TRIM44: variants seen among roughly 807,000 people sequenced by gnomAD.
The protein encoded by TRIM44 is tripartite motif containing 44, also known as tripartite motif-containing protein 44.
TRIM44 carries 13 observed loss-of-function variants against 37.4 expected under a neutral mutation model. That is an observed-to-expected ratio of 0.35 (90% CI 0.23 to 0.55). TRIM44 has a LOEUF of 0.55. Ranked by LOEUF, TRIM44 falls within the 20% of genes least tolerant of loss-of-function variation. The probability of loss-of-function intolerance (pLI) is 0.89; values close to 1 mark genes in which losing one functional copy is unlikely to be tolerated. For missense variants in TRIM44, 426 were observed against 437.2 expected, an observed-to-expected ratio of 0.97 and a Z score of 0.23; for synonymous variants, 175 against 157.2, an observed-to-expected ratio of 1.11 and a Z score of -0.85.
At chr11:35,725,901 T>A in intron 2 of TRIM44, 23 bp from the exon 3 acceptor site, 10 of 1,610,680 alleles carry the variant, frequency 6.2e-6, no homozygotes, top group Non-Finnish European at 8.5e-6. Flanking sequence ...AACTTATTCT[T>A]CTTATTTGTC....
In TRIM44 at chr11:35,765,843, G is replaced by C. The variant is rs543237874; in HGVS notation, c.1007+30398G>C. Among the ~76,000 whole-genome samples the C allele has an allele frequency of 2.4e-4, 37 of 152,172 alleles. 1 individual carries two copies. The South Asian group carries it at 7.3e-3, about 30-fold the overall frequency. On this transcript the variant is annotated intron_variant, in intron 4 of 4. Transcript: ENST00000299413. ...TTTTTAACCATCCCCTATTCTTTCA[G>C]TTCTTCTTTGGTATAACTATGTCTC...
chr11:35,742,508 TATA>T (rs1354843855), intron 4 of TRIM44, among the ~76,000 whole-genome samples: 23 of 130,398 alleles, frequency 1.8e-4, no homozygotes, highest in Non-Finnish European at 3.0e-4. Context: ...TTATATTAAA[TATA>T]ATTATATTAA....
intron 2 of TRIM44, among the ~76,000 whole-genome samples, chr11:35,706,875 C>G (rs552563419): frequency 1.3e-5 from 2 of 150,730 alleles, no homozygotes; most frequent in African/African-American, 4.9e-5. Flanking sequence ...CCCTCTCTCA[C>G]CACTCCTATT....
intron 3 of TRIM44, among the ~76,000 whole-genome samples, chr11:35,731,366 G>A (rs1381352907): frequency 6.6e-6 from 1 of 151,954 alleles, no homozygotes; most frequent in Non-Finnish European, 1.5e-5. Context: ...TTATTCTGTT[G>A]TAATGGTTAA....
intron 4 of TRIM44, among the ~76,000 whole-genome samples, chr11:35,776,414 G>A (rs941701392): frequency 8.6e-5 from 13 of 152,040 alleles, no homozygotes; most frequent in African/African-American, 2.9e-4. Flanking sequence ...ACCAGCTCCT[G>A]GATTCATTGA....
chr11:35,709,694 C>T (rs1208435427), intron 2 of TRIM44, among the ~76,000 whole-genome samples: 1 of 152,136 alleles, frequency 6.6e-6, no homozygotes, highest in Non-Finnish European at 1.5e-5. Context: ...AGACAACTTA[C>T]ACTCCCCAGC....
chr11:35,683,471 A>G (rs1471624424), intron 1 of TRIM44, among the ~76,000 whole-genome samples: 1 of 152,190 alleles, frequency 6.6e-6, no homozygotes, highest in Non-Finnish European at 1.5e-5. Context: ...GAATCTTATT[A>G]GGTATTTCCT....
At chr11:35,701,975 G>A (rs929150630) in intron 2 of TRIM44, among the ~76,000 whole-genome samples, 3 of 152,104 alleles carry the variant, frequency 2.0e-5, no homozygotes, top group African/African-American at 7.2e-5. Flanking sequence ...TATAACCCTG[G>A]GGGCCAAGCT....
intron 2 of TRIM44, among the ~76,000 whole-genome samples, chr11:35,703,814 A>G (rs1851833119): frequency 6.6e-6 from 1 of 152,228 alleles, no homozygotes; most frequent in Non-Finnish European, 1.5e-5. Flanking sequence ...GATGGGAAAA[A>G]AACAGCAGAA....
At chr11:35,775,784 G>A (rs140749694) in intron 4 of TRIM44, among the ~76,000 whole-genome samples, 43 of 152,212 alleles carry the variant, frequency 2.8e-4, no homozygotes, top group African/African-American at 9.6e-4. Context: ...ATTGATTTGC[G>A]TATGTTGAAC....
At position 35,668,271 on chromosome 11, in the gene TRIM44, CAT is replaced by C. The variant is rs555752891; in HGVS notation, c.669+4492_669+4493del. On this transcript the variant is annotated intron_variant, in intron 1 of 4. Coordinates refer to ENST00000299413, the MANE Select transcript of TRIM44 (RefSeq NM_017583.6). ...TGTGCAGGTTTGTTACATAGGTAAA[CAT>C]GTGCCATGCTGGTTTGCTGCACAGA... is the stretch of plus-strand genomic sequence containing the variant. Among the ~76,000 whole-genome samples the C allele has an allele frequency of 1.8e-3, 281 of 152,254 alleles. 2 individuals are homozygous for C. The highest frequency in any genetic ancestry group is 6.5e-3 in the African/African-American group (270 of 41,556).
At chr11:35,713,502 C>CTTTTTTT (rs34352321) in intron 2 of TRIM44, among the ~76,000 whole-genome samples, 1 of 140,152 alleles carries the variant, frequency 7.1e-6, no homozygotes, top group Non-Finnish European at 1.6e-5. Flanking sequence ...ATATGACATG[C>CTTTTTTT]TTTTTTTTTT....
chr11:35,808,435 A>G lies in TRIM44; in HGVS notation c.*2050A>G, dbSNP rs1245729755. 6.6e-6 allele frequency: 1 copy of G among 152,146 alleles called. No individual in the cohort carries two copies. The highest frequency in any genetic ancestry group is 1.5e-5 in the Non-Finnish European group (1 of 68,006). The allele number at this position is 152,146 out of a possible 1,614,324, so 9.4% of individuals were successfully genotyped here. A position where few individuals can be genotyped will look rare whatever the true frequency, so the allele number is the denominator to read the frequency against. On this transcript the variant is annotated 3_prime_UTR_variant, in exon 5 of 5. Transcript: ENST00000299413. ...AAGATTTTAGGATTTGGAAGCTTGT[A>G]TTGTCTTTCCCCAATAATCATTGTT...
At chr11:35,671,257 T>A (rs1851390483) in intron 1 of TRIM44, among the ~76,000 whole-genome samples, 1 of 152,188 alleles carries the variant, frequency 6.6e-6, no homozygotes, top group Non-Finnish European at 1.5e-5. Context: ...TAATACAGGA[T>A]TAGAGAGGGA....
intron 1 of TRIM44, among the ~76,000 whole-genome samples, chr11:35,665,782 T>C (rs962878885): frequency 3.3e-5 from 5 of 151,450 alleles, no homozygotes; most frequent in Non-Finnish European, 7.4e-5. Flanking sequence ...TTTTTTTTAG[T>C]AGAGATGTTT....
At chr11:35,702,512 T>C (rs934669360) in intron 2 of TRIM44, among the ~76,000 whole-genome samples, 1 of 152,190 alleles carries the variant, frequency 6.6e-6, no homozygotes, top group Non-Finnish European at 1.5e-5. Context: ...CGCATCTTTA[T>C]TGAGCGCCAG....
intron 1 of TRIM44, among the ~76,000 whole-genome samples, chr11:35,674,905 G>C (rs989481527): frequency 1.3e-5 from 2 of 152,224 alleles, no homozygotes; most frequent in Non-Finnish European, 2.9e-5. Flanking sequence ...ATGGAGCCAG[G>C]AATAGATTCT....
At chr11:35,799,181 T>A (rs1372947693) in intron 4 of TRIM44, among the ~76,000 whole-genome samples, 1 of 152,250 alleles carries the variant, frequency 6.6e-6, no homozygotes, top group African/African-American at 2.4e-5. Flanking sequence ...GCAGGCCTGC[T>A]GGCTCCTTTT....
intron 1 of TRIM44, among the ~76,000 whole-genome samples, chr11:35,674,684 T>C (rs995569422): frequency 3.9e-5 from 6 of 152,236 alleles, no homozygotes; most frequent in Non-Finnish European, 8.8e-5. Context: ...CTTAAACTAA[T>C]TTTATTCATC....
Sources: gnomAD v4.1 joint callset for allele counts (sites outside exome capture counted in the v4.1 genomes callset) on GRCh38, gnomAD v4.1.1 for gene constraint, MANE v1.5 for transcripts, NCBI Gene and HGNC (gene_info 2026-07-23, HGNC 2026-07-21) for gene names.